Variants in LRCH1 observed in about 807,000 individuals in gnomAD.
The protein encoded by LRCH1 is leucine-rich repeat and calponin homology domain-containing protein 1.
LRCH1 carries 23 observed loss-of-function variants against 94.9 expected under a neutral mutation model. That is an observed-to-expected ratio of 0.24 (90% CI 0.17 to 0.34). The LOEUF (loss-of-function observed/expected upper bound fraction) is 0.34, where lower values mean the gene tolerates loss of function less well. Ranked by LOEUF, LRCH1 falls within the 10% of genes least tolerant of loss-of-function variation. LRCH1 has a pLI of 1.00. For synonymous variants in LRCH1, 364 were observed against 354.9 expected (o/e 1.03, Z -0.29); for missense variants, 790 against 945.9 (o/e 0.84, Z 2.16).
At chr13:46,681,411 A>AAT (rs533332863) in intron 3 of LRCH1, among the ~76,000 whole-genome samples, 173 of 152,276 alleles carry the variant, frequency 1.1e-3, no homozygotes, top group African/African-American at 4.0e-3. Context: ...TTGATTTGTA[A>AAT]ATATTAGGCT....
chr13:46,723,985 TTTTA>T (rs1291486735), intron 17 of LRCH1, among the ~76,000 whole-genome samples: 1 of 152,134 alleles, frequency 6.6e-6, no homozygotes, highest in Admixed American at 6.5e-5. Flanking sequence ...CATTTTTTAT[TTTTA>T]TTTATTTATG....
At chr13:46,673,682 G>A (rs1470283099) in intron 3 of LRCH1, among the ~76,000 whole-genome samples, 1 of 149,856 alleles carries the variant, frequency 6.7e-6, no homozygotes, top group Non-Finnish European at 1.5e-5. Flanking sequence ...AGCATTGTTT[G>A]TTAACTATTT....
At chr13:46,751,283 T>A (rs1302480203) in exon 19 of LRCH1, 1 of 152,134 alleles carries the variant, frequency 6.6e-6, no homozygotes, top group East Asian at 1.9e-4. Flanking sequence ...TGCGGTAGTT[T>A]AGGTCTCAGT....
chr13:46,751,316 C>G (rs1286798081), exon 19 of LRCH1: 3 of 151,590 alleles, frequency 2.0e-5, no homozygotes, highest in Admixed American at 6.6e-5. Context: ...ATATATGATT[C>G]CAAAAAAAAG....
intron 1 of LRCH1, among the ~76,000 whole-genome samples, chr13:46,593,409 T>A (rs147259467): frequency 6.6e-6 from 1 of 151,378 alleles, no homozygotes; most frequent in East Asian, 2.0e-4. Context: ...TCCCAATACC[T>A]AGTAGCTGAT....
intron 3 of LRCH1, 75 bp downstream of exon 3, chr13:46,669,231 T>C: frequency 6.4e-7 from 1 of 1,553,462 alleles, no homozygotes; most frequent in Non-Finnish European, 8.7e-7. Flanking sequence ...TCAGAAAACC[T>C]TTTTGCTACG....
intron 1 of LRCH1, among the ~76,000 whole-genome samples, chr13:46,576,659 T>G (rs186757759): frequency 2.6e-5 from 4 of 152,354 alleles, no homozygotes; most frequent in African/African-American, 9.6e-5. Context: ...GAGGCTCCCT[T>G]CTGAGGTTCA....
In LRCH1 at chr13:46,669,009, CTTG is replaced by C. The variant is rs1360184917; in HGVS notation, c.453-16_453-14del. 4.3e-6 allele frequency: 7 copies of C among 1,613,082 alleles called. No individual in the cohort carries two copies. The highest frequency in any genetic ancestry group is 1.6e-4 in the Middle Eastern group (1 of 6,078). On this transcript the variant is annotated intron_variant, in intron 2 of 19. Transcript: ENST00000389797. ...AGTGGCCTTTCTGTTTACATGTGTT[CTTG>C]TTGTATTGTCTTTGCAGTCGAAATC...
In LRCH1 at chr13:46,650,352, T is replaced by C. The variant is rs772864213; in HGVS notation, c.452+7T>C. On this transcript the variant is annotated splice_region_variant and intron_variant, in intron 2 of 19. Coordinates refer to ENST00000389797, the MANE Select transcript of LRCH1 (RefSeq NM_001164211.2). ...TGACTTACCTGAACTTGAGGTAGGT[T>C]AAACATAAAAGTTGTAATCAAATTC... is the stretch of plus-strand genomic sequence containing the variant. 1.3e-6 allele frequency: 2 copies of C among 1,569,876 alleles called. No individual in the cohort carries two copies. The highest frequency in any genetic ancestry group is 1.7e-6 in the Non-Finnish European group (2 of 1,158,600).
chr13:46,738,936 C>A (rs1167004999), intron 19 of LRCH1, among the ~76,000 whole-genome samples: 1 of 152,192 alleles, frequency 6.6e-6, no homozygotes, highest in Non-Finnish European at 1.5e-5. Context: ...CCACCTCTCT[C>A]CTCTCCCTGC....
In LRCH1 at chr13:46,712,570, G is replaced by C; in HGVS notation, c.1627G>C (p.Ala543Pro). The change falls in exon 15 of 20, where the codon GCT becomes CCT. Residue 543 changes from alanine (A) to proline (P), a missense_variant. Ala to Pro is a conservative substitution (Grantham distance 27, BLOSUM62 -1). Around this residue, in one of 3 missense-constraint regions of LRCH1, gnomAD observed 460 missense variants for 508.9 expected, o/e 0.90. Coordinates refer to ENST00000389797, the MANE Select transcript of LRCH1 (RefSeq NM_001164211.2). Reference sequence around the variant, plus strand: ...AGTCTCTCCTACCACAAACAGCACAGCTCCATTTGGCCTGAAGCCTCGATC... The same window carrying C: ...AGTCTCTCCTACCACAAACAGCACACCTCCATTTGGCCTGAAGCCTCGATC... ...PAVSPTTNST[A>P]PFGLKPRSDP... 6.2e-7 allele frequency: 1 copy of C among 1,613,902 alleles called. No individual in the cohort carries two copies. The highest frequency in any genetic ancestry group is 8.5e-7 in the Non-Finnish European group (1 of 1,179,856).
At position 46,743,084 on chromosome 13, in the gene LRCH1, A is replaced by G. The variant is rs1873748696; in HGVS notation, c.*1236A>G. 1 of 985,448 alleles carries G rather than the reference A, an allele frequency of 1.0e-6. No individual in the cohort carries two copies. The highest frequency in any genetic ancestry group is 1.2e-6 in the Non-Finnish European group (1 of 829,926). The allele number at this position is 985,448 out of a possible 1,614,324, so 61.0% of individuals were successfully genotyped here. ...GAGGGCCTTGTTCCAAGGTCAAGGC[A>G]GCCTCCTTATTTTACATGCTGTTTG... On this transcript the variant is annotated 3_prime_UTR_variant, in exon 20 of 20. Coordinates refer to ENST00000389797, the MANE Select transcript of LRCH1 (RefSeq NM_001164211.2).
intron 13 of LRCH1, among the ~76,000 whole-genome samples, chr13:46,707,154 A>G (rs985374229): frequency 3.2e-4 from 49 of 152,274 alleles, no homozygotes; most frequent in African/African-American, 1.2e-3. Flanking sequence ...AGTTGCAGAT[A>G]CTGCATTTGA....
chr13:46,622,950 A>C (rs2050897427), intron 1 of LRCH1, among the ~76,000 whole-genome samples: 3 of 152,234 alleles, frequency 2.0e-5, no homozygotes, highest in Admixed American at 1.3e-4. Context: ...AGTGAGCTGA[A>C]GCCTTTTGGG....
chr13:46,732,302 C>T (rs6561328), intron 18 of LRCH1, among the ~76,000 whole-genome samples: 139,108 of 152,222 alleles, frequency 0.91, 64,642 homozygotes, highest in Non-Finnish European at 1. Flanking sequence ...GAAAAATGAA[C>T]TTTTTCAGCC....
chr13:46,713,461 C>T (rs971322686), intron 15 of LRCH1, among the ~76,000 whole-genome samples: 2 of 152,092 alleles, frequency 1.3e-5, no homozygotes, highest in Non-Finnish European at 2.9e-5. Flanking sequence ...GTATATTTTG[C>T]AAAAAGGCAC....
At chr13:46,612,278 A>G (rs1448102317) in intron 1 of LRCH1, among the ~76,000 whole-genome samples, 1 of 152,178 alleles carries the variant, frequency 6.6e-6, no homozygotes, top group Non-Finnish European at 1.5e-5. Context: ...AGCAAGCAAT[A>G]CCTTTAGGTT....
At chr13:46,694,270 G>A (rs1285845543) in intron 8 of LRCH1, among the ~76,000 whole-genome samples, 1 of 152,076 alleles carries the variant, frequency 6.6e-6, no homozygotes, top group East Asian at 1.9e-4. Flanking sequence ...CAGAACAGTT[G>A]GAAGAGTTCT....
intron 9 of LRCH1, among the ~76,000 whole-genome samples, chr13:46,695,283 T>C (rs935033336): frequency 1.5e-4 from 23 of 152,262 alleles, no homozygotes; most frequent in African/African-American, 5.3e-4. Flanking sequence ...GCAAACTCAT[T>C]AGTGTGACCA....
Sources: gnomAD v4.1 joint callset for allele counts (sites outside exome capture counted in the v4.1 genomes callset) on GRCh38, gnomAD v4.1.1 for gene constraint, gnomAD v4.1.1 regional missense constraint, MANE v1.5 for transcripts, NCBI Gene and HGNC (gene_info 2026-07-23, HGNC 2026-07-21) for gene names.